PRKCA: variants seen among roughly 807,000 people sequenced by gnomAD.
The protein encoded by PRKCA is protein kinase C alpha, also known as protein kinase C alpha type.
A neutral mutation model predicts 87.0 loss-of-function variants in PRKCA; 27 were observed. The ratio of observed to expected loss-of-function variants is 0.31; its 90% CI spans 0.23 to 0.43. The LOEUF is 0.43. PRKCA is among the 20% of genes least tolerant of loss of function. The probability of loss-of-function intolerance (pLI) is 1.00; values close to 1 mark genes in which losing one functional copy is unlikely to be tolerated. For synonymous variants in PRKCA, 329 were observed against 311.1 expected, an observed-to-expected ratio of 1.06 and a Z score of -0.61; for missense variants, 518 against 852.3, an observed-to-expected ratio of 0.61 and a Z score of 4.88.
chr17:66,733,915 G>A (rs1973963328), intron 9 of PRKCA, among the ~76,000 whole-genome samples: 1 of 152,260 alleles, frequency 6.6e-6, no homozygotes, highest in South Asian at 2.1e-4. Flanking sequence ...CAGGTCTGCA[G>A]TTGCATCACA....
intron 3 of PRKCA, among the ~76,000 whole-genome samples, chr17:66,595,061 G>T (rs1313516876): frequency 6.6e-6 from 1 of 152,120 alleles, no homozygotes; most frequent in Non-Finnish European, 1.5e-5. Flanking sequence ...TTCTGCTGGT[G>T]TTCAGCAGTC....
At chr17:66,387,358 C>T (rs990039907) in intron 2 of PRKCA, among the ~76,000 whole-genome samples, 5 of 152,210 alleles carry the variant, frequency 3.3e-5, no homozygotes, top group African/African-American at 1.2e-4. Context: ...CCTCTAACAC[C>T]TGGCCATCCC....
chr17:66,641,446 A>G lies in PRKCA; in HGVS notation c.380A>G (p.His127Arg), dbSNP rs1205570869. Residue 127 changes from histidine to arginine, a missense_variant, in exon 4 of 17, where the codon CAT (histidine) becomes CGT (arginine). Transcript: ENST00000413366. ...HCGSLLYGLI[H>R]QGMKCDTCDM... The stretch of plus-strand genomic sequence containing the variant: ...GGGTCACTGCTCTATGGACTTATCC[A>G]TCAAGGGATGAAATGTGACAGTAAG... 5.6e-6 allele frequency: 9 copies of G among 1,608,508 alleles called. No homozygotes were observed. The highest frequency in any genetic ancestry group is 5.9e-6 in the Non-Finnish European group (7 of 1,176,638).
At chr17:66,623,091 A>G (rs990741348) in intron 3 of PRKCA, among the ~76,000 whole-genome samples, 10 of 152,204 alleles carry the variant, frequency 6.6e-5, no homozygotes, top group African/African-American at 2.4e-4. Flanking sequence ...TCTATCTTCC[A>G]CTGGTCATTT....
At chr17:66,397,555 G>A (rs955936094) in intron 2 of PRKCA, among the ~76,000 whole-genome samples, 2 of 151,966 alleles carry the variant, frequency 1.3e-5, no homozygotes, top group Admixed American at 6.6e-5. Context: ...TTTGACTTAA[G>A]GGCAAATGTC....
intron 3 of PRKCA, among the ~76,000 whole-genome samples, chr17:66,550,972 G>A (rs1446510759): frequency 6.6e-6 from 1 of 152,168 alleles, no homozygotes; most frequent in African/African-American, 2.4e-5. Flanking sequence ...AGTTACATGG[G>A]CGTTTACATC....
At chr17:66,341,084 G>A (rs1245392295) in intron 2 of PRKCA, among the ~76,000 whole-genome samples, 1 of 151,896 alleles carries the variant, frequency 6.6e-6, no homozygotes, top group African/African-American at 2.4e-5. Context: ...CTTTCTTTTT[G>A]GGAGTGGATA....
chr17:66,646,193 T>G (rs376593344), intron 5 of PRKCA, among the ~76,000 whole-genome samples: 10 of 152,186 alleles, frequency 6.6e-5, no homozygotes, highest in African/African-American at 2.2e-4. Flanking sequence ...ACAGCCTGGC[T>G]ATGGGACCGG....
chr17:66,330,387 G>A lies in PRKCA; in HGVS notation c.205+24260G>A, dbSNP rs538185763. The stretch of plus-strand genomic sequence containing the variant: ...CTCCCAAAGTGCTGGGATTACAGGC[G>A]TGAGCCATCGCACCTGGCCCCTGGA... On this transcript the variant is annotated intron_variant, in intron 2 of 16. Transcript: ENST00000413366. Among the ~76,000 whole-genome samples the A allele has an allele frequency of 4.6e-5, 7 of 152,266 alleles. No homozygotes were observed. In the East Asian group the frequency reaches 1.2e-3, roughly 25 times the overall value.
At chr17:66,623,272 A>G (rs1330192050) in intron 3 of PRKCA, among the ~76,000 whole-genome samples, 1 of 152,238 alleles carries the variant, frequency 6.6e-6, no homozygotes, top group East Asian at 1.9e-4. Flanking sequence ...GACCTCAGCC[A>G]GATTTTTTTT....
At chr17:66,642,959 G>A (rs779807418) in intron 4 of PRKCA, among the ~76,000 whole-genome samples, 3 of 152,146 alleles carry the variant, frequency 2.0e-5, no homozygotes, top group Non-Finnish European at 4.4e-5. Flanking sequence ...AGAATTGCTT[G>A]AACCCAGGAG....
intron 3 of PRKCA, among the ~76,000 whole-genome samples, chr17:66,550,808 C>G (rs115572042): frequency 2.0e-5 from 3 of 152,126 alleles, no homozygotes; most frequent in African/African-American, 4.8e-5. Context: ...GGAAAGGAAG[C>G]GACACATTCG....
chr17:66,378,261 C>T (rs1454081747), intron 2 of PRKCA, among the ~76,000 whole-genome samples: 1 of 152,084 alleles, frequency 6.6e-6, no homozygotes, highest in Non-Finnish European at 1.5e-5. Context: ...AGGCAGTGAG[C>T]TGAGATTGGG....
At chr17:66,653,954 G>A (rs979345329) in intron 5 of PRKCA, among the ~76,000 whole-genome samples, 1 of 152,220 alleles carries the variant, frequency 6.6e-6, no homozygotes, top group African/African-American at 2.4e-5. Context: ...CTTTGTAGAA[G>A]TTTCATGAAT....
intron 2 of PRKCA, among the ~76,000 whole-genome samples, chr17:66,387,827 C>T (rs1910145689): frequency 6.6e-6 from 1 of 152,166 alleles, no homozygotes; most frequent in Admixed American, 6.6e-5. Context: ...CTTGACATGG[C>T]GATTGGAGCC....
intron 2 of PRKCA, among the ~76,000 whole-genome samples, chr17:66,369,327 G>A (rs1908956768): frequency 6.6e-6 from 1 of 152,122 alleles, no homozygotes. Context: ...TGTGAAGATT[G>A]CTGTCTGGTT....
At chr17:66,551,498 A>G (rs1026014016) in intron 3 of PRKCA, among the ~76,000 whole-genome samples, 5 of 152,276 alleles carry the variant, frequency 3.3e-5, no homozygotes, top group African/African-American at 1.2e-4. Flanking sequence ...AGCTCGCAGC[A>G]TGGTAGCTGG....
intron 10 of PRKCA, 27 bp downstream of exon 10, chr17:66,735,689 GCAGTACC>G: frequency 6.2e-7 from 1 of 1,604,734 alleles, no homozygotes; most frequent in Non-Finnish European, 8.5e-7. Context: ...TCCCTGCGAT[GCAGTACC>G]CAGCTCTCAG....
chr17:66,345,620 A>G (rs1213604275), intron 2 of PRKCA, among the ~76,000 whole-genome samples: 1 of 152,134 alleles, frequency 6.6e-6, no homozygotes, highest in Non-Finnish European at 1.5e-5. Context: ...TGGAAATGAA[A>G]AAGTCAGTGT....
Sources: allele counts gnomAD v4.1 joint callset (sites outside exome capture counted in the v4.1 genomes callset), GRCh38; gene constraint gnomAD v4.1.1; transcripts MANE v1.5; gene names NCBI Gene and HGNC (gene_info 2026-07-23, HGNC 2026-07-21).